Variants in UQCRC2 observed in about 807,000 individuals in gnomAD.
The protein encoded by UQCRC2 is cytochrome b-c1 complex subunit 2, mitochondrial.
A neutral mutation model predicts 55.6 loss-of-function variants in UQCRC2; 49 were observed. That is an observed-to-expected ratio of 0.88 (90% CI 0.70 to 1.12). The LOEUF is 1.12. Ranked by LOEUF, UQCRC2 falls within the 50% of genes most tolerant of loss-of-function variation. UQCRC2 has a pLI of 0.00. For missense variants in UQCRC2, 506 were observed against 547.8 expected (o/e 0.92, Z 0.76); for synonymous variants, 193 against 192.0 (o/e 1.01, Z -0.04).
chr16:21,979,647 C>T (rs981130437), intron 12 of UQCRC2, among the ~76,000 whole-genome samples: 16 of 152,250 alleles, frequency 1.1e-4, no homozygotes, highest in Admixed American at 8.5e-4. Flanking sequence ...TGGCATAGCT[C>T]CTGCTTTCGA....
At chr16:21,964,997 C>A (rs905120863) in intron 6 of UQCRC2, among the ~76,000 whole-genome samples, 1 of 152,164 alleles carries the variant, frequency 6.6e-6, no homozygotes, top group African/African-American at 2.4e-5. Context: ...TGACAATCTC[C>A]TTATTACCTA....
At chr16:21,953,488 T>C in intron 1 of UQCRC2, 32 bp downstream of exon 1, 1 of 1,609,520 alleles carries the variant, frequency 6.2e-7, no homozygotes. Flanking sequence ...GGGAAAGGGC[T>C]GGGGAGCAGT....
In UQCRC2 at chr16:21,957,260, C is replaced by G. The variant is rs1898101124; in HGVS notation, c.59C>G (p.Pro20Arg). 1 of 1,613,786 alleles carries G rather than the reference C, an allele frequency of 6.2e-7. No homozygotes were observed. The highest frequency in any genetic ancestry group is 1.1e-5 in the South Asian group (1 of 91,060). ...AGATTTTATTCCCTCAAAGTTGCCC[C>G]CAAAGTTAAAGCCACAGCTGCGCCT... ...FSRFYSLKVA[P>R]KVKATAAPAG... The change falls in exon 2 of 14, where the codon CCC becomes CGC. Residue 20 changes from proline to arginine, a missense_variant. Transcript: ENST00000268379.
chr16:21,957,639 A>G, intron 3 of UQCRC2, 73 bp downstream of exon 3: 1 of 1,554,810 alleles, frequency 6.4e-7, no homozygotes, highest in South Asian at 1.2e-5. Context: ...AAAAACTAAG[A>G]TCAATGTCTT....
At chr16:21,966,171 T>C (rs1047480757) in intron 7 of UQCRC2, among the ~76,000 whole-genome samples, 1 of 151,134 alleles carries the variant, frequency 6.6e-6, no homozygotes, top group Non-Finnish European at 1.5e-5. Flanking sequence ...TATATATATA[T>C]GTGTGTGTGT....
Position 21,957,611 on chromosome 16 carries a change from C to T in UQCRC2, c.267+45C>T, listed in dbSNP as rs780712590. On this transcript the variant is annotated intron_variant, in intron 3 of 13. Transcript: ENST00000268379. ...CAAGTGTTTGGAAATGCTGTGGTAT[C>T]TTGGTCCTGTGAAAAAGAAAAACTA... 3.8e-6 allele frequency: 6 copies of T among 1,588,604 alleles called. No individual in the cohort carries two copies. In the South Asian group the frequency reaches 5.8e-5, roughly 15 times the overall value.
intron 6 of UQCRC2, among the ~76,000 whole-genome samples, chr16:21,964,303 A>G (rs1898273696): frequency 6.6e-6 from 1 of 152,140 alleles, no homozygotes; most frequent in Admixed American, 6.6e-5. Flanking sequence ...GCCTGCATCT[A>G]TTCTGCCTGA....
chr16:21,954,245 G>T (rs1898056511), intron 1 of UQCRC2, among the ~76,000 whole-genome samples: 1 of 152,184 alleles, frequency 6.6e-6, no homozygotes, highest in South Asian at 2.1e-4. Flanking sequence ...GGTGCTATTG[G>T]CATGGAGAGG....
At chr16:21,972,672 C>G (rs1898490609) in intron 10 of UQCRC2, among the ~76,000 whole-genome samples, 1 of 152,022 alleles carries the variant, frequency 6.6e-6, no homozygotes, top group East Asian at 1.9e-4. Context: ...GTCAGGAGTT[C>G]GAGACCAGCC....
Position 21,973,919 on chromosome 16 carries a change from C to T in UQCRC2, c.990C>T (p.Tyr330=). ...PFDVSAFNAS[Y]SDSGLFGIYT... ...AGGTTTCTGCATTTAATGCCAGTTA[C>T]TCAGATTCTGGACTCTTTGGGATTT... is the stretch of plus-strand genomic sequence containing the variant. Residue 330 remains tyrosine, a synonymous_variant, in exon 11 of 14, where the codon TAC becomes TAT. Transcript: ENST00000268379. 1 of 1,612,946 alleles carries T rather than the reference C, an allele frequency of 6.2e-7. No homozygotes were observed. Among genetic ancestry groups the T allele is most frequent in the Non-Finnish European group, 8.5e-7 (1 of 1,179,554 alleles).
At chr16:21,961,386 G>A (rs1392540737) in intron 4 of UQCRC2, 3 of 413,274 alleles carry the variant, frequency 7.3e-6, no homozygotes, top group African/African-American at 6.1e-5. Flanking sequence ...ATTACGGAAT[G>A]AACTAGATCC....
chr16:21,970,646 C>T (rs1597961782), intron 8 of UQCRC2, among the ~76,000 whole-genome samples: 1 of 152,036 alleles, frequency 6.6e-6, no homozygotes. Context: ...AGTGCAGTGG[C>T]GCAATCTCAG....
intron 13 of UQCRC2, 99 bp downstream of exon 13, chr16:21,980,799 C>G (rs1446956746): frequency 7.0e-7 from 1 of 1,419,920 alleles, no homozygotes; most frequent in East Asian, 2.3e-5. Flanking sequence ...GTGTATTATT[C>G]TTATGTTTGG....
intron 12 of UQCRC2, chr16:21,976,468 GTTC>G: frequency 2.4e-6 from 1 of 417,470 alleles, no homozygotes; most frequent in South Asian, 3.3e-5. Flanking sequence ...AAGGCAGGTG[GTTC>G]ATTTGAGACC....
intron 3 of UQCRC2, 112 bp downstream of exon 3, chr16:21,957,678 C>T (rs1898111885): frequency 1.4e-6 from 2 of 1,427,322 alleles, no homozygotes; most frequent in Non-Finnish European, 1.9e-6. Context: ...CCTGCCATAA[C>T]AAATTACCAC....
intron 13 of UQCRC2, among the ~76,000 whole-genome samples, chr16:21,981,532 T>C (rs1354605456): frequency 6.6e-6 from 1 of 152,040 alleles, no homozygotes; most frequent in Non-Finnish European, 1.5e-5. Context: ...GGTGGGCAGA[T>C]TGCTTGAGCC....
rs1898775018 is a variant in UQCRC2, at chr16:21,983,099, G to A, written c.1290G>A (p.Lys430=). The change falls in exon 14 of 14, where the codon AAG becomes AAA. Residue 430 remains lysine, a synonymous_variant. Coordinates refer to ENST00000268379, the MANE Select transcript of UQCRC2 (RefSeq NM_003366.4). ...ANADIINAAK[K]FVSGQKSMAA... ...TTGTTTCTTTAAAGGCGGCAAAGAA[G>A]TTTGTTTCTGGCCAGAAGTCAATGG... 1 of 1,613,910 alleles carries A rather than the reference G, an allele frequency of 6.2e-7. No homozygotes were observed. The highest frequency in any genetic ancestry group is 1.3e-5 in the African/African-American group (1 of 75,010).
intron 8 of UQCRC2, among the ~76,000 whole-genome samples, chr16:21,970,319 T>G (rs1898429641): frequency 6.6e-6 from 1 of 152,230 alleles, no homozygotes; most frequent in Non-Finnish European, 1.5e-5. Context: ...AAGAACAGAA[T>G]TGCCAGGACA....
chr16:21,971,439 C>A (rs1164778923), intron 8 of UQCRC2, 86 bp from the exon 9 acceptor site: 8 of 1,120,810 alleles, frequency 7.1e-6, no homozygotes, highest in Non-Finnish European at 1.3e-6. Flanking sequence ...ATTTTACAAT[C>A]GTATTTTTAA....
Sources: gnomAD v4.1 joint callset for allele counts (sites outside exome capture counted in the v4.1 genomes callset) on GRCh38, gnomAD v4.1.1 for gene constraint, MANE v1.5 for transcripts, NCBI Gene and HGNC (gene_info 2026-07-23, HGNC 2026-07-21) for gene names.